The following CAPN14 variants were observed in gnomAD, a reference collection of about 807,000 sequenced individuals.
CAPN14 encodes the protein calpain-14.
A neutral mutation model predicts 101.3 loss-of-function variants in CAPN14; 94 were observed. That is an observed-to-expected ratio of 0.93 (90% CI 0.79 to 1.10). The LOEUF (loss-of-function observed/expected upper bound fraction) is 1.10, where lower values mean the gene tolerates loss of function less well. Ranked by LOEUF, CAPN14 falls within the 50% of genes least tolerant of loss-of-function variation. The pLI is 0.00. For missense variants in CAPN14, 837 were observed against 828.4 expected (o/e 1.01, Z -0.13); for synonymous variants, 338 against 317.9 (o/e 1.06, Z -0.67).
At chr2:31,215,207 A>G (rs56238301) in intron 1 of CAPN14, among the ~76,000 whole-genome samples, 86,716 of 151,938 alleles carry the variant, frequency 0.57, 25,783 homozygotes, top group East Asian at 0.94. Context: ...ATATCAAATG[A>G]TTCTGAACAT....
chr2:31,180,673 T>C (rs115428238), intron 17 of CAPN14, among the ~76,000 whole-genome samples: 3,271 of 152,298 alleles, frequency 0.021, 48 homozygotes, highest in South Asian at 0.044. Flanking sequence ...TGGCTAATAT[T>C]GGTCACCTAT....
At chr2:31,205,739 C>G (rs1434980599) in intron 1 of CAPN14, among the ~76,000 whole-genome samples, 1 of 152,076 alleles carries the variant, frequency 6.6e-6, no homozygotes, top group African/African-American at 2.4e-5. Flanking sequence ...AGGGAAAGTT[C>G]TCTCAAGCCT....
Position 31,203,143 on chromosome 2 carries a change from G to A in CAPN14, c.226-4C>T. The A allele has an allele frequency of 2.6e-6, 4 of 1,551,198 alleles. No homozygotes were observed. Among genetic ancestry groups the A allele is most frequent in the African/African-American group, 1.4e-5 (1 of 73,000 alleles). ...ACTGGGGATTGCTGTGCAGCTCCTG[G>A]GAAAGACAAACAGAATTGTCATTCT... On this transcript the variant is annotated splice_region_variant and splice_polypyrimidine_tract_variant and intron_variant, in intron 2 of 21. Transcript: ENST00000403897.
intron 15 of CAPN14, 72 bp downstream of exon 15, chr2:31,187,686 T>C: frequency 7.4e-7 from 1 of 1,353,458 alleles, no homozygotes; most frequent in Non-Finnish European, 1.0e-6. Flanking sequence ...TGCAAACCTA[T>C]ACTTTATAAA....
At chr2:31,201,785 A>T (rs1681794258) in intron 5 of CAPN14, 77 bp downstream of exon 5, 6 of 1,509,880 alleles carry the variant, frequency 4.0e-6, no homozygotes, top group African/African-American at 2.8e-5. Flanking sequence ...ACTTTACCTG[A>T]CTCCACTCCC....
In CAPN14 at chr2:31,205,151, T is replaced by G. The variant is rs1037364928; in HGVS notation, c.225+72A>C. The G allele has an allele frequency of 3.8e-6, 5 of 1,327,970 alleles. No individual in the cohort carries two copies. The Admixed American group carries it at 1.0e-4, about 27-fold the overall frequency. The allele number at this position is 1,327,970 out of a possible 1,614,324, so 82.3% of individuals were successfully genotyped here. On this transcript the variant is annotated intron_variant, in intron 2 of 21. Transcript: ENST00000403897. ...AAAAAGCCTGTTTTTTTCTCCCATA[T>G]ATCTTAGGCGCAGTATCTGAAAGCC...
intron 16 of CAPN14, among the ~76,000 whole-genome samples, chr2:31,183,322 C>T (rs2148675112): frequency 6.6e-6 from 1 of 152,192 alleles, no homozygotes; most frequent in Admixed American, 6.5e-5. Flanking sequence ...CAACAAAAGC[C>T]AAAATTGAAA....
intron 12 of CAPN14, among the ~76,000 whole-genome samples, chr2:31,190,025 C>G (rs557541101): frequency 1.7e-4 from 26 of 152,308 alleles, no homozygotes; most frequent in African/African-American, 5.8e-4. Flanking sequence ...TCCGCATCAT[C>G]TCAGGGAAAA....
chr2:31,181,540 A>ATT (rs1680631813), intron 16 of CAPN14, among the ~76,000 whole-genome samples: 1 of 88,692 alleles, frequency 1.1e-5, no homozygotes. Flanking sequence ...TTATTATTAT[A>ATT]CCTTAAGTTT....
intron 2 of CAPN14, among the ~76,000 whole-genome samples, chr2:31,222,854 G>A (rs1242156246): frequency 6.6e-6 from 1 of 152,206 alleles, no homozygotes; most frequent in Non-Finnish European, 1.5e-5. Context: ...GATCACATTC[G>A]GAGATGGAGC....
At chr2:31,229,235 T>C (rs1237600339) in intron 1 of CAPN14, among the ~76,000 whole-genome samples, 1 of 152,064 alleles carries the variant, frequency 6.6e-6, no homozygotes, top group African/African-American at 2.4e-5. Context: ...CATAAGTAGA[T>C]GTAAATTGCT....
At chr2:31,196,478 C>G (rs930933522) in intron 8 of CAPN14, among the ~76,000 whole-genome samples, 1 of 152,192 alleles carries the variant, frequency 6.6e-6, no homozygotes, top group African/African-American at 2.4e-5. Context: ...CACATTCTAT[C>G]AGGAGGAATA....
chr2:31,214,556 G>A lies in CAPN14; in HGVS notation c.-53+2900C>T, dbSNP rs73921591. On this transcript the variant is annotated intron_variant, in intron 1 of 21. Transcript: ENST00000403897. ...CCTTGGGAGAAGGTGGGGGAGAAGC[G>A]GCAGGAAGTCCCTTAACTGGCAATG... Among the ~76,000 whole-genome samples, 511 of 152,234 alleles carry A rather than the reference G, an allele frequency of 3.4e-3. 1 individual carries two copies. The highest frequency in any genetic ancestry group is 0.012 in the African/African-American group (479 of 41,530).
intron 1 of CAPN14, among the ~76,000 whole-genome samples, chr2:31,208,225 TC>T (rs1222172397): frequency 6.6e-6 from 1 of 151,998 alleles, no homozygotes; most frequent in East Asian, 1.9e-4. Context: ...AGGCAAAGCT[TC>T]CCCCAGGCTT....
intron 1 of CAPN14, among the ~76,000 whole-genome samples, chr2:31,231,402 A>G (rs1203473977): frequency 6.6e-6 from 1 of 152,220 alleles, no homozygotes; most frequent in African/African-American, 2.4e-5. Context: ...GAACTTCTTT[A>G]ACATCTTTCT....
At chr2:31,191,375 C>A (rs1032870131) in intron 12 of CAPN14, 24 bp downstream of exon 12, 40 of 1,541,596 alleles carry the variant, frequency 2.6e-5, no homozygotes, top group Middle Eastern at 3.5e-4. Flanking sequence ...AAACTAGGGC[C>A]ACCCGGTCAA....
chr2:31,183,910 G>A (rs1440599419), intron 16 of CAPN14, among the ~76,000 whole-genome samples: 1 of 137,784 alleles, frequency 7.3e-6, no homozygotes, highest in African/African-American at 2.7e-5. Context: ...CTTTAGAGAT[G>A]GAGTCTCATT....
intron 2 of CAPN14, 113 bp downstream of exon 2, chr2:31,205,110 G>T: frequency 1.2e-6 from 1 of 848,846 alleles, no homozygotes; most frequent in Non-Finnish European, 1.9e-6. Flanking sequence ...GTGTTGAGTG[G>T]AGAGGAGAGA....
intron 2 of CAPN14, among the ~76,000 whole-genome samples, chr2:31,226,334 A>G (rs536388558): frequency 7.2e-5 from 11 of 152,314 alleles, no homozygotes; most frequent in African/African-American, 2.4e-4. Flanking sequence ...GTTATAACAT[A>G]TAAGGTTATA....
Sources: gnomAD v4.1 joint callset for allele counts (sites outside exome capture counted in the v4.1 genomes callset) on GRCh38, gnomAD v4.1.1 for gene constraint, MANE v1.5 for transcripts, NCBI Gene and HGNC (gene_info 2026-07-23, HGNC 2026-07-21) for gene names.